Variants in DDX52 observed in about 807,000 individuals in gnomAD.
DDX52 encodes the protein probable ATP-dependent RNA helicase DDX52.
DDX52 carries 59 observed loss-of-function variants against 76.1 expected under a neutral mutation model. The ratio of observed to expected loss-of-function variants is 0.78; its 90% confidence interval spans 0.63 to 0.96. The LOEUF is 0.96. Among genes scored for constraint, DDX52 ranks in the 40% least tolerant of loss-of-function variants. The pLI is 0.00. For missense variants in DDX52, 707 were observed against 703.9 expected, an observed-to-expected ratio of 1.00 and a Z score of -0.05; for synonymous variants, 231 against 244.1, an observed-to-expected ratio of 0.95 and a Z score of 0.50.
rs1304485718 is a variant in DDX52, at chr17:37,610,992, A to G, written c.*3304T>C. 2.0e-5 allele frequency: 3 copies of G among 152,236 alleles called. No homozygotes were observed. Among genetic ancestry groups the G allele is most frequent in the African/African-American group, 7.2e-5 (3 of 41,474 alleles). The allele number at this position is 152,236 out of a possible 1,614,324, so 9.4% of individuals were successfully genotyped here. A position where few individuals can be genotyped will look rare whatever the true frequency, so the allele number is the denominator to read the frequency against. Reference sequence around the variant, plus strand: ...ACTGTAGATACTTTAAACAGACACAATAAAGTCAAGGATCATAGATGTGAC... The same window carrying G: ...ACTGTAGATACTTTAAACAGACACAGTAAAGTCAAGGATCATAGATGTGAC... On this transcript the variant is annotated 3_prime_UTR_variant, in exon 15 of 15. Coordinates refer to ENST00000617633, the MANE Select transcript of DDX52 (RefSeq NM_007010.5).
rs201404160 is a variant in DDX52, at chr17:37,643,361, G to A, written c.60C>T (p.Arg20=). 1 of 1,614,048 alleles carries A rather than the reference G, an allele frequency of 6.2e-7. No individual in the cohort carries two copies. The highest frequency in any genetic ancestry group is 2.2e-5 in the East Asian group (1 of 44,876). The change falls in exon 1 of 15, where the codon CGC becomes CGT. Residue 20 remains arginine, a synonymous_variant. Coordinates refer to ENST00000617633, the MANE Select transcript of DDX52 (RefSeq NM_007010.5). ...GGAATCGAGCTGCGTCTGCCGAGAA[G>A]CGTCTCGTGTCGAATTTGGCCCCCG... ...LGAGAKFDTR[R]FSADAARFQI...
intron 2 of DDX52, chr17:37,639,602 G>C (rs982702991): frequency 3.2e-5 from 7 of 215,574 alleles, no homozygotes; most frequent in Non-Finnish European, 4.8e-5. Flanking sequence ...TTAGCTGGGC[G>C]TGGTGTCGGG....
At chr17:37,627,023 A>G (rs1331221102) in intron 6 of DDX52, among the ~76,000 whole-genome samples, 163 bp from the exon 7 acceptor site, 1 of 152,116 alleles carries the variant, frequency 6.6e-6, no homozygotes, top group Non-Finnish European at 1.5e-5. Flanking sequence ...ATATCTGAGC[A>G]GCTTTCTCTT....
At chr17:37,625,008 GT>G (rs1222243755) in intron 8 of DDX52, among the ~76,000 whole-genome samples, 4 of 150,458 alleles carry the variant, frequency 2.7e-5, no homozygotes, top group African/African-American at 9.7e-5. Flanking sequence ...CTGCTTTCCT[GT>G]TTTTTTTGTT....
chr17:37,628,247 C>A (rs773361143), intron 6 of DDX52, among the ~76,000 whole-genome samples: 1 of 152,140 alleles, frequency 6.6e-6, no homozygotes, highest in African/African-American at 2.4e-5. Flanking sequence ...TAACAACATC[C>A]TTGGCTATAG....
At position 37,612,085 on chromosome 17, in the gene DDX52, G is replaced by A. The variant is rs1029644896; in HGVS notation, c.*2211C>T. 7 of 151,138 alleles carry A rather than the reference G, an allele frequency of 4.6e-5. No individual in the cohort carries two copies. The highest frequency in any genetic ancestry group is 1.7e-4 in the African/African-American group (7 of 41,178). The allele number at this position is 151,138 out of a possible 1,614,324, so 9.4% of individuals were successfully genotyped here. On this transcript the variant is annotated 3_prime_UTR_variant, in exon 15 of 15. Coordinates refer to ENST00000617633, the MANE Select transcript of DDX52 (RefSeq NM_007010.5). ...CATAATATATATAATGTGTGTGTGT[G>A]TGTTTATTTTCAAGACAGTCTTGCC...
Position 37,626,067 on chromosome 17 carries a change from T to C in DDX52, c.964A>G (p.Lys322Glu). The C allele has an allele frequency of 1.2e-6, 2 of 1,614,052 alleles. No homozygotes were observed. The highest frequency in any genetic ancestry group is 2.2e-5 in the East Asian group (1 of 44,900). ...CCAGTTTTGCCATCTTCAAACAGTT[T>C]ATCTGATTCGTCTACTACAAGCCAC... is the stretch of plus-strand genomic sequence containing the variant. ...VEWLVVDESD[K>E]LFEDGKTGFR... Residue 322 changes from lysine (K) to glutamate (E), a missense_variant, in exon 8 of 15, where the codon AAA becomes GAA. Coordinates refer to ENST00000617633, the MANE Select transcript of DDX52 (RefSeq NM_007010.5).
At chr17:37,630,211 T>C (rs142292307) in intron 4 of DDX52, 38 bp from the exon 5 acceptor site, 3 of 1,511,964 alleles carry the variant, frequency 2.0e-6, no homozygotes, top group African/African-American at 1.4e-5. Context: ...ACAAAGAAAG[T>C]ACATAAATTT....
intron 5 of DDX52, among the ~76,000 whole-genome samples, 188 bp from the exon 6 acceptor site, chr17:37,628,860 T>C (rs750248977): frequency 6.6e-6 from 1 of 152,210 alleles, no homozygotes; most frequent in African/African-American, 2.4e-5. Flanking sequence ...ATTCAATAAT[T>C]TCTTCAGGTG....
chr17:37,613,190 C>T lies in DDX52; in HGVS notation c.*1106G>A, dbSNP rs1311119345. 4 of 152,130 alleles carry T rather than the reference C, an allele frequency of 2.6e-5. No individual in the cohort carries two copies. The South Asian group carries it at 8.3e-4, about 32-fold the overall frequency. 9.4% of individuals were successfully genotyped at this position (152,130 alleles called of 1,614,324 possible). On this transcript the variant is annotated 3_prime_UTR_variant, in exon 15 of 15. Transcript: ENST00000617633. Reference sequence around the variant, plus strand: ...AAGTCATTCTTAGGCACCAGTCTTACGTATATGAAGTCACTTTTTCATTCC... The same window carrying T: ...AAGTCATTCTTAGGCACCAGTCTTATGTATATGAAGTCACTTTTTCATTCC...
chr17:37,628,294 T>A (rs2030491254), intron 6 of DDX52, among the ~76,000 whole-genome samples: 1 of 152,128 alleles, frequency 6.6e-6, no homozygotes, highest in Admixed American at 6.6e-5. Context: ...TCTCCCCAGT[T>A]GTGACAACTA....
chr17:37,611,332 T>C lies in DDX52; in HGVS notation c.*2964A>G, dbSNP rs2064356517. 1 of 152,070 alleles carries C rather than the reference T, an allele frequency of 6.6e-6. No individual in the cohort carries two copies. Among genetic ancestry groups the C allele is most frequent in the African/African-American group, 2.4e-5 (1 of 41,390 alleles). The allele number at this position is 152,070 out of a possible 1,614,324, so 9.4% of individuals were successfully genotyped here. A position where few individuals can be genotyped will look rare whatever the true frequency, so the allele number is the denominator to read the frequency against. On this transcript the variant is annotated 3_prime_UTR_variant, in exon 15 of 15. Coordinates refer to ENST00000617633, the MANE Select transcript of DDX52 (RefSeq NM_007010.5). The stretch of plus-strand genomic sequence containing the variant: ...TAATGTGTGTGTTTGTGCCATGGTT[T>C]TTAACAAAAAAGTTTTAGAAGTAAA...
Position 37,625,961 on chromosome 17 carries a change from G to A in DDX52, c.1070C>T (p.Ala357Val). 1 of 1,614,156 alleles carries A rather than the reference G, an allele frequency of 6.2e-7. No homozygotes were observed. The change falls in exon 8 of 15, where the codon GCA (alanine) becomes GTA (valine). Residue 357 changes from alanine to valine, a missense_variant. Transcript: ENST00000617633. Reference protein sequence around the residue: ...VRRAMFSATFAYDVEQWCKLN... With the variant: ...VRRAMFSATFVYDVEQWCKLN... ...TTTGCACCACTGTTCAACATCATATGCAAAAGTTGCACTGAACATAGCTCT... is the reference window on the plus strand; with the variant it reads ...TTTGCACCACTGTTCAACATCATATACAAAAGTTGCACTGAACATAGCTCT...
chr17:37,616,825 T>C (rs1354820357), intron 14 of DDX52, among the ~76,000 whole-genome samples: 1 of 152,226 alleles, frequency 6.6e-6, no homozygotes, highest in Non-Finnish European at 1.5e-5. Flanking sequence ...TTTGAGACAC[T>C]ATATATACAC....
At position 37,643,370 on chromosome 17, in the gene DDX52, G is replaced by C. The variant is rs746996528; in HGVS notation, c.51C>G (p.Asp17Glu). Residue 17 changes from aspartate to glutamate, a missense_variant, in exon 1 of 15, where the codon GAC (aspartate) becomes GAG (glutamate). Asp to Glu is a conservative substitution (Grantham distance 45, BLOSUM62 2). Transcript: ENST00000617633. ...CTGCGTCTGCCGAGAAGCGTCTCGT[G>C]TCGAATTTGGCCCCCGCGCCGAGCC... Reference protein sequence around the residue: ...FRRLGAGAKFDTRRFSADAAR... With the variant: ...FRRLGAGAKFETRRFSADAAR... 4.2e-5 allele frequency: 68 copies of C among 1,614,060 alleles called. No individual in the cohort carries two copies. The highest frequency in any genetic ancestry group is 3.3e-4 in the Middle Eastern group (2 of 6,062).
At chr17:37,636,115 A>G (rs976853676) in intron 2 of DDX52, among the ~76,000 whole-genome samples, 2 of 152,208 alleles carry the variant, frequency 1.3e-5, no homozygotes, top group South Asian at 4.1e-4. Flanking sequence ...TAAGTCCAAT[A>G]TATCAATTTT....
rs1242573044 is a variant in DDX52 at position 37,643,341 on chromosome 17, C to A, written c.80G>T (p.Arg27Leu). 2 of 1,613,748 alleles carry A rather than the reference C, an allele frequency of 1.2e-6. No individual in the cohort carries two copies. Among genetic ancestry groups the A allele is most frequent in the South Asian group, 1.1e-5 (1 of 91,070 alleles). ...GTCCCTTGGGCACAGTACCTGGAAT[C>A]GAGCTGCGTCTGCCGAGAAGCGTCT... ...DTRRFSADAARFQIGKRKYDF... is the reference protein window; with the variant it reads ...DTRRFSADAALFQIGKRKYDF... Residue 27 changes from arginine to leucine, a missense_variant, in exon 1 of 15, where the codon CGA becomes CTA. Transcript: ENST00000617633.
chr17:37,618,238 C>T (rs2029895223), intron 14 of DDX52, 54 bp downstream of exon 14: 1 of 1,378,654 alleles, frequency 7.3e-7, no homozygotes, highest in Non-Finnish European at 1.0e-6. Context: ...AAAATAATGC[C>T]TACTATAACT....
At chr17:37,636,677 A>T (rs1424462258) in intron 2 of DDX52, among the ~76,000 whole-genome samples, 1 of 152,232 alleles carries the variant, frequency 6.6e-6, no homozygotes, top group Non-Finnish European at 1.5e-5. Context: ...AGAATAGTGA[A>T]ATCACTGATG....
Sources: allele counts gnomAD v4.1 joint callset (sites outside exome capture counted in the v4.1 genomes callset), GRCh38; gene constraint gnomAD v4.1.1; transcripts MANE v1.5; gene names NCBI Gene and HGNC (gene_info 2026-07-23, HGNC 2026-07-21).